VPS13A: variants seen among roughly 807,000 people sequenced by gnomAD.
The protein encoded by VPS13A is vacuolar protein sorting 13 homolog A, also known as intermembrane lipid transfer protein VPS13A.
In VPS13A, 264 loss-of-function variants were observed where a neutral mutation model predicts 390.9. That is an observed-to-expected ratio of 0.68 (90% CI 0.61 to 0.75). VPS13A has a LOEUF of 0.75. Among genes scored for constraint, VPS13A ranks in the 30% least tolerant of loss-of-function variants. The probability of loss-of-function intolerance (pLI) is 0.00; values close to 1 mark genes in which losing one functional copy is unlikely to be tolerated. For missense variants in VPS13A, 3,409 were observed against 3,733.9 expected, an observed-to-expected ratio of 0.91 and a Z score of 2.27; for synonymous variants, 1,231 against 1,227.1, an observed-to-expected ratio of 1.00 and a Z score of -0.07.
At chr9:77,395,892 A>G (rs1834101243) in intron 68 of VPS13A, 2 of 152,208 alleles carry the variant, frequency 1.3e-5, no homozygotes, top group South Asian at 4.1e-4. Flanking sequence ...TTAAAACACC[A>G]TGACAGTTTT....
Position 77,321,660 on chromosome 9 carries a change from TA to T in VPS13A, c.5746del (p.Ser1916ValfsTer16). On this transcript the variant is annotated frameshift_variant, in exon 44 of 72. Transcript: ENST00000360280. LOFTEE classifies it high-confidence loss of function. ...TATGTATTGAAAAATGGAGAAAGTTTAAGTATGGATTATATCCGAACCAAGG... is the reference window on the plus strand; with the variant it reads ...TATGTATTGAAAAATGGAGAAAGTTTAGTATGGATTATATCCGAACCAAGG... ...KSYVLKNGES[L>X]SMDYIRTKDN... 5 of 1,613,322 alleles carry T rather than the reference TA, an allele frequency of 3.1e-6. No individual in the cohort carries two copies. Among genetic ancestry groups the T allele is most frequent in the Non-Finnish European group, 4.2e-6 (5 of 1,179,524 alleles).
chr9:77,421,445 C>T lies in VPS13A; in HGVS notation c.*5439C>T, dbSNP rs900870036. ...AATGATTTTTTTTCTTAACAATAAGCATTTCTTGGTATTGGTAGATTTGGA... is the reference window on the plus strand; with the variant it reads ...AATGATTTTTTTTCTTAACAATAAGTATTTCTTGGTATTGGTAGATTTGGA... On this transcript the variant is annotated 3_prime_UTR_variant, in exon 72 of 72. Transcript: ENST00000360280. The T allele has an allele frequency of 6.6e-6, 1 of 152,146 alleles. No individual in the cohort carries two copies. Among genetic ancestry groups the T allele is most frequent in the Non-Finnish European group, 1.5e-5 (1 of 68,026 alleles). 9.4% of individuals were successfully genotyped at this position (152,146 alleles called of 1,614,324 possible). A position where few individuals can be genotyped will look rare whatever the true frequency, so the allele number is the denominator to read the frequency against.
chr9:77,186,682 C>T lies in VPS13A; in HGVS notation c.100+8878C>T, dbSNP rs959760743. On this transcript the variant is annotated intron_variant, in intron 1 of 71. Coordinates refer to ENST00000360280, the MANE Select transcript of VPS13A (RefSeq NM_033305.3). The stretch of plus-strand genomic sequence containing the variant: ...TGATCTCTTGACCTAGTAATCTGCC[C>T]GCCTCGGCCTCCCAAAGTGCTGGGA... Among the ~76,000 whole-genome samples the T allele has an allele frequency of 4.6e-5, 7 of 152,102 alleles. No individual in the cohort carries two copies. The South Asian group carries it at 6.2e-4, about 14-fold the overall frequency.
chr9:77,182,249 A>G (rs570522761), intron 1 of VPS13A, among the ~76,000 whole-genome samples: 4 of 152,212 alleles, frequency 2.6e-5, no homozygotes, highest in African/African-American at 9.6e-5. Flanking sequence ...GCCCACCATC[A>G]TGCATGGCTA....
At chr9:77,387,249 AT>A (rs1439955189) in intron 68 of VPS13A, among the ~76,000 whole-genome samples, 1 of 152,180 alleles carries the variant, frequency 6.6e-6, no homozygotes, top group African/African-American at 2.4e-5. Context: ...TAGAAAATGA[AT>A]TTATATTTGG....
intron 10 of VPS13A, among the ~76,000 whole-genome samples, chr9:77,218,499 T>G (rs1389363984): frequency 6.6e-6 from 1 of 152,174 alleles, no homozygotes; most frequent in Non-Finnish European, 1.5e-5. Context: ...CCTGTATGAT[T>G]GATGGATAGT....
At chr9:77,177,828 CCCCGGCCTCTCGTGCTT>C (rs758960296) in intron 1 of VPS13A, 24 bp downstream of exon 1, 69 of 1,594,390 alleles carry the variant, frequency 4.3e-5, no homozygotes, top group Non-Finnish European at 5.8e-5. Flanking sequence ...CGCCGCCGCT[CCCCGGCCTCTCGTGCTT>C]CCCGGCCGTC....
At chr9:77,203,144 A>G (rs931537317) in intron 3 of VPS13A, among the ~76,000 whole-genome samples, 1 of 152,240 alleles carries the variant, frequency 6.6e-6, no homozygotes, top group Admixed American at 6.5e-5. Flanking sequence ...TTATAGATAT[A>G]TCAAATATAA....
intron 54 of VPS13A, 70 bp from the exon 55 acceptor site, chr9:77,356,644 T>A: frequency 6.7e-7 from 1 of 1,493,822 alleles, no homozygotes; most frequent in East Asian, 2.5e-5. Flanking sequence ...GTAATTCATG[T>A]AATAAACCAG....
At chr9:77,299,599 AT>A (rs2131385570) in intron 33 of VPS13A, among the ~76,000 whole-genome samples, 1 of 152,328 alleles carries the variant, frequency 6.6e-6, no homozygotes, top group Non-Finnish European at 1.5e-5. Flanking sequence ...ATTATGAATC[AT>A]TCTCCTGTAA....
chr9:77,337,362 G>T lies in VPS13A; in HGVS notation c.6203G>T (p.Arg2068Ile), dbSNP rs758988617. Residue 2068 changes from arginine to isoleucine, a missense_variant, in exon 47 of 72, where the codon AGA (arginine) becomes ATA (isoleucine). By Grantham distance (97) the Arg-to-Ile change is moderately conservative. Transcript: ENST00000360280. ...NDGALLKKKC[R>I]SKNPSKESFL... ...GGTGCTCTTCTAAAGAAGAAATGTA[G>T]ATCTAAAAACCCTTCTAAGGAATCA... The T allele has an allele frequency of 6.2e-7, 1 of 1,612,706 alleles. No homozygotes were observed. The highest frequency in any genetic ancestry group is 8.5e-7 in the Non-Finnish European group (1 of 1,179,046).
chr9:77,191,173 A>G (rs1824659427), intron 1 of VPS13A, among the ~76,000 whole-genome samples: 1 of 152,062 alleles, frequency 6.6e-6, no homozygotes, highest in African/African-American at 2.4e-5. Context: ...TGATGTGGGC[A>G]TTTAGCACTA....
chr9:77,382,516 A>C, intron 68 of VPS13A: 1 of 1,255,026 alleles, frequency 8.0e-7, no homozygotes, highest in Non-Finnish European at 1.0e-6. Context: ...TACCTTATGT[A>C]TCCTCGTCAT....
chr9:77,411,568 CA>C (rs1834923692), intron 71 of VPS13A, among the ~76,000 whole-genome samples: 1 of 143,146 alleles, frequency 7.0e-6, no homozygotes, highest in South Asian at 2.2e-4. Flanking sequence ...GAGGCTGAGG[CA>C]GGAGAATGGC....
In VPS13A at chr9:77,417,960, G is replaced by C. The variant is rs1835220945; in HGVS notation, c.*1954G>C. 6.6e-6 allele frequency: 1 copy of C among 151,968 alleles called. No homozygotes were observed. The allele number at this position is 151,968 out of a possible 1,614,324, so 9.4% of individuals were successfully genotyped here. On this transcript the variant is annotated 3_prime_UTR_variant, in exon 72 of 72. Transcript: ENST00000360280. Reference sequence around the variant, plus strand: ...TCACTTCCTTGTCTCTAGACTAGAGGGACCCACAGTTTTAAGAGCTACATC... The same window carrying C: ...TCACTTCCTTGTCTCTAGACTAGAGCGACCCACAGTTTTAAGAGCTACATC...
chr9:77,388,135 A>T (rs530809943), intron 68 of VPS13A, among the ~76,000 whole-genome samples: 16 of 152,318 alleles, frequency 1.1e-4, no homozygotes, highest in African/African-American at 3.6e-4. Flanking sequence ...GTGTACACAC[A>T]TTATTTAGCT....
chr9:77,239,401 A>T lies in VPS13A; in HGVS notation c.1900+1015A>T, dbSNP rs537610907. Among the ~76,000 whole-genome samples the T allele has an allele frequency of 4.9e-4, 72 of 147,858 alleles. 1 individual carries two copies. Among genetic ancestry groups the T allele is most frequent in the East Asian group, 1.4e-3 (7 of 5,126 alleles). On this transcript the variant is annotated intron_variant, in intron 19 of 71. Coordinates refer to ENST00000360280, the MANE Select transcript of VPS13A (RefSeq NM_033305.3). ...ACCAAAAGTAATAATAATAAAAATTAAAAAAAAAATAAATTTTAAGACTGT... is the reference window on the plus strand; with the variant it reads ...ACCAAAAGTAATAATAATAAAAATTTAAAAAAAAATAAATTTTAAGACTGT...
At chr9:77,245,568 C>T (rs1171676888) in intron 19 of VPS13A, among the ~76,000 whole-genome samples, 1 of 152,176 alleles carries the variant, frequency 6.6e-6, no homozygotes, top group Non-Finnish European at 1.5e-5. Context: ...CTCTATCTCA[C>T]CTCACCTTCC....
At chr9:77,408,988 G>C (rs1422680563) in intron 71 of VPS13A, among the ~76,000 whole-genome samples, 3 of 152,204 alleles carry the variant, frequency 2.0e-5, no homozygotes, top group East Asian at 1.9e-4. Context: ...AGAATGGACA[G>C]ACTGCCTCCT....
Sources: gnomAD v4.1 joint callset for allele counts (sites outside exome capture counted in the v4.1 genomes callset) on GRCh38, gnomAD v4.1.1 for gene constraint, MANE v1.5 for transcripts, NCBI Gene and HGNC (gene_info 2026-07-23, HGNC 2026-07-21) for gene names.